The following FHAD1 variants were observed in gnomAD, a reference collection of about 807,000 sequenced individuals.
FHAD1 encodes forkhead-associated domain-containing protein 1.
A neutral mutation model predicts 191.3 loss-of-function variants in FHAD1; 146 were observed. The observed-to-expected ratio is 0.76, with a 90% CI of 0.67 to 0.88. The LOEUF is 0.88. FHAD1 is among the 40% of genes least tolerant of loss of function. The pLI is 0.00. For synonymous variants in FHAD1, 616 were observed against 672.3 expected, an observed-to-expected ratio of 0.92 and a Z score of 1.29; for missense variants, 1,635 against 1,785.8, an observed-to-expected ratio of 0.92 and a Z score of 1.52.
At chr1:15,256,778 T>C (rs1648387218) in intron 2 of FHAD1, among the ~76,000 whole-genome samples, 1 of 151,464 alleles carries the variant, frequency 6.6e-6, no homozygotes, top group African/African-American at 2.4e-5. Flanking sequence ...CCAGAATCAA[T>C]GCAGTGCCGT....
At chr1:15,296,963 C>T (rs1010291416) in intron 5 of FHAD1, among the ~76,000 whole-genome samples, 170 bp downstream of exon 5, 7 of 152,350 alleles carry the variant, frequency 4.6e-5, no homozygotes, top group South Asian at 4.1e-4. Context: ...TTACGACCTC[C>T]GCAACCACTG....
intron 10 of FHAD1, among the ~76,000 whole-genome samples, chr1:15,323,953 G>A (rs1423034671): frequency 2.0e-5 from 3 of 152,186 alleles, no homozygotes; most frequent in East Asian, 3.8e-4. Context: ...AAGTGCCCAC[G>A]ATGGGCGGCA....
chr1:15,316,546 C>A lies in FHAD1; in HGVS notation c.1260+79C>A. 3.3e-6 allele frequency: 4 copies of A among 1,197,794 alleles called. No homozygotes were observed. The highest frequency in any genetic ancestry group is 4.8e-6 in the Non-Finnish European group (4 of 832,910). 74.2% of individuals were successfully genotyped at this position (1,197,794 alleles called of 1,614,324 possible). On this transcript the variant is annotated intron_variant, in intron 9 of 33. Coordinates refer to ENST00000688493, the MANE Select transcript of FHAD1 (RefSeq NM_001391957.1). The surrounding 1 kb of genome is among the most constrained non-coding windows in gnomAD (Gnocchi z 4.3). The stretch of plus-strand genomic sequence containing the variant: ...TTGAGGTTCTTGGTGGGATCCTGGG[C>A]CATCACTAAGCATGAAGCTCTGGGG...
At chr1:15,376,089 A>T (rs201888393) in intron 28 of FHAD1, among the ~76,000 whole-genome samples, 2,479 of 112,708 alleles carry the variant, frequency 0.022, 31 homozygotes, top group East Asian at 0.046. Context: ...TTTTTTATTT[A>T]TTTTTTTATT....
At chr1:15,337,687 G>A (rs1684801759) in intron 14 of FHAD1, among the ~76,000 whole-genome samples, 1 of 152,068 alleles carries the variant, frequency 6.6e-6, no homozygotes, top group South Asian at 2.1e-4. Flanking sequence ...CCAGCAATAC[G>A]GCCCGACATA....
chr1:15,262,614 C>T (rs950474881), intron 2 of FHAD1, among the ~76,000 whole-genome samples: 14 of 152,210 alleles, frequency 9.2e-5, no homozygotes, highest in African/African-American at 3.1e-4. Context: ...AAGGTTCATC[C>T]ACGTTGTGGC....
At chr1:15,278,475 C>CTTTTTTTTTTTTTTTTTTTTTT (rs34110532) in intron 3 of FHAD1, among the ~76,000 whole-genome samples, 2 of 124,324 alleles carry the variant, frequency 1.6e-5, no homozygotes, top group African/African-American at 3.3e-5. Context: ...TTCATTACCT[C>CTTTTTTTTTTTTTTTTTTTTTT]TTTTTTTTTT....
chr1:15,251,751 T>A lies in FHAD1; in HGVS notation c.-14-20T>A. 6.6e-7 allele frequency: 1 copy of A among 1,519,556 alleles called. No homozygotes were observed. Among genetic ancestry groups the A allele is most frequent in the Non-Finnish European group, 8.8e-7 (1 of 1,131,438 alleles). The allele number at this position is 1,519,556 out of a possible 1,614,324, so 94.1% of individuals were successfully genotyped here. ...AGAACTACATTTTCTAACAAAATTC[T>A]TTCTGAAAACCTTATGTAGGGAAAA... On this transcript the variant is annotated intron_variant, in intron 1 of 33. Coordinates refer to ENST00000688493, the MANE Select transcript of FHAD1 (RefSeq NM_001391957.1).
intron 14 of FHAD1, among the ~76,000 whole-genome samples, chr1:15,331,067 CAG>C (rs955951131): frequency 2.6e-5 from 4 of 152,058 alleles, no homozygotes; most frequent in Admixed American, 1.3e-4. Context: ...AGGAAAGTGA[CAG>C]AGAGTCAACA....
intron 31 of FHAD1, chr1:15,383,018 GCA>G (rs1289104485): frequency 4.2e-5 from 19 of 456,776 alleles, no homozygotes; most frequent in Admixed American, 4.1e-4. Flanking sequence ...ACACACACGC[GCA>G]CGCGCACACA....
intron 23 of FHAD1, among the ~76,000 whole-genome samples, chr1:15,365,244 A>G (rs943813391): frequency 1.3e-5 from 2 of 152,160 alleles, no homozygotes; most frequent in Non-Finnish European, 2.9e-5. Flanking sequence ...GATGGTGGGT[A>G]GTGGGTATCA....
intron 6 of FHAD1, among the ~76,000 whole-genome samples, chr1:15,301,925 G>A (rs892774378): frequency 1.3e-5 from 2 of 152,180 alleles, no homozygotes; most frequent in South Asian, 4.1e-4. Flanking sequence ...TACTTGGGAG[G>A]CCGAGGCTGA....
At chr1:15,283,529 G>A (rs1454575281) in intron 3 of FHAD1, among the ~76,000 whole-genome samples, 1 of 152,210 alleles carries the variant, frequency 6.6e-6, no homozygotes, top group East Asian at 1.9e-4. Context: ...GTTGTTTCTG[G>A]TATAATTTAA....
chr1:15,348,245 CA>C (rs1325432737), intron 18 of FHAD1, among the ~76,000 whole-genome samples: 3 of 152,210 alleles, frequency 2.0e-5, no homozygotes, highest in African/African-American at 7.2e-5. Flanking sequence ...ACACTTTTTA[CA>C]GGCTCATCTG....
At chr1:15,332,160 C>A (rs764665156) in intron 14 of FHAD1, among the ~76,000 whole-genome samples, 3 of 152,070 alleles carry the variant, frequency 2.0e-5, no homozygotes, top group Non-Finnish European at 4.4e-5. Flanking sequence ...TATGTAGGAA[C>A]CTTCCCCTCA....
At chr1:15,365,572 C>G (rs1696174808) in intron 23 of FHAD1, among the ~76,000 whole-genome samples, 1 of 149,746 alleles carries the variant, frequency 6.7e-6, no homozygotes, top group African/African-American at 2.5e-5. Context: ...ATTCTCCAGC[C>G]TTGGCCTCCC....
intron 6 of FHAD1, among the ~76,000 whole-genome samples, chr1:15,306,857 T>A (rs1163260635): frequency 6.6e-6 from 1 of 152,220 alleles, no homozygotes; most frequent in Non-Finnish European, 1.5e-5. Context: ...GCTAGGGCAG[T>A]GTGGAAGGGA....
chr1:15,324,507 TG>T lies in FHAD1; in HGVS notation c.1425del (p.Asn476ThrfsTer14), dbSNP rs769009220. ...SRRKLLQLQE[M>X]GNRESVIKIN... is the part of the protein sequence containing the mutation. The stretch of plus-strand genomic sequence containing the variant: ...AGGAAATTGCTTCAGCTGCAAGAAA[TG>T]GGGAACAGAGAGAGCGTCATTAAAA... On this transcript the variant is annotated frameshift_variant, in exon 11 of 34. Transcript: ENST00000688493. LOFTEE classifies it high-confidence loss of function. 2 of 1,551,992 alleles carry T rather than the reference TG, an allele frequency of 1.3e-6. No homozygotes were observed. The highest frequency in any genetic ancestry group is 2.4e-5 in the South Asian group (2 of 84,046).
In FHAD1 at chr1:15,328,044, A is replaced by G. The variant is rs547286281; in HGVS notation, c.1558-233A>G. 1.3e-3 allele frequency: 352 copies of G among 260,796 alleles called. 8 individuals are homozygous for G. Among genetic ancestry groups the G allele is most frequent in the Non-Finnish European group, 5.3e-4 (74 of 139,716 alleles). 16.2% of individuals were successfully genotyped at this position (260,796 alleles called of 1,614,324 possible). On this transcript the variant is annotated intron_variant, in intron 12 of 33. Coordinates refer to ENST00000688493, the MANE Select transcript of FHAD1 (RefSeq NM_001391957.1). ...GTGAAACTCCGTCGCAAAAAAAAAA[A>G]AAAGAAAAGAAAAAAGAAAAGAGAA...
Sources: gnomAD v4.1 joint callset for allele counts (sites outside exome capture counted in the v4.1 genomes callset) on GRCh38, gnomAD v4.1.1 for gene constraint, Gnocchi (gnomAD v3.1) non-coding constraint, MANE v1.5 for transcripts, NCBI Gene and HGNC (gene_info 2026-07-23, HGNC 2026-07-21) for gene names.